The following GLG1 variants were observed in gnomAD, a reference collection of about 807,000 sequenced individuals.
The protein encoded by GLG1 is golgi glycoprotein 1.
GLG1 carries 38 observed loss-of-function variants against 160.5 expected under a neutral mutation model. The observed-to-expected ratio is 0.24, with a 90% CI of 0.18 to 0.31. The LOEUF (loss-of-function observed/expected upper bound fraction) is 0.31, where lower values mean the gene tolerates loss of function less well. GLG1 is among the 10% of genes least tolerant of loss of function. GLG1 has a pLI of 1.00. For missense variants in GLG1, 1,373 were observed against 1,505.2 expected (o/e 0.91, Z 1.45); for synonymous variants, 644 against 543.4 (o/e 1.19, Z -2.57).
At chr16:74,597,571 T>C (rs1958334433) in intron 1 of GLG1, among the ~76,000 whole-genome samples, 1 of 151,656 alleles carries the variant, frequency 6.6e-6, no homozygotes, top group African/African-American at 2.4e-5. Flanking sequence ...AAACAAAAAT[T>C]AGCCGGGCGC....
Position 74,493,094 on chromosome 16 carries a change from T to G in GLG1, c.1097A>C (p.Tyr366Ser). The part of the protein sequence containing the change: ...TTRQKLIAQD[Y>S]KVSYSLAKSC... ...TTTGGCCAATGAATAACTGACTTTA[T>G]AATCCTGGGCAATCAGCTTTTGGCG... is the stretch of plus-strand genomic sequence containing the variant. The change falls in exon 7 of 26, where the codon TAT becomes TCT. Residue 366 changes from tyrosine to serine, a missense_variant. Around this residue, in one of 4 missense-constraint regions of GLG1, gnomAD observed 174 missense variants for 229.9 expected, o/e 0.76. Transcript: ENST00000422840. 6.2e-7 allele frequency: 1 copy of G among 1,613,942 alleles called. No individual in the cohort carries two copies. The highest frequency in any genetic ancestry group is 8.5e-7 in the Non-Finnish European group (1 of 1,179,868).
intron 15 of GLG1, among the ~76,000 whole-genome samples, chr16:74,470,302 T>TTCCA (rs377253990): frequency 9.6e-5 from 14 of 145,936 alleles, no homozygotes; most frequent in South Asian, 2.3e-4. Context: ...CCTTCCTTCC[T>TTCCA]TCCCTCCCTC....
intron 1 of GLG1, among the ~76,000 whole-genome samples, chr16:74,577,254 G>T (rs1440797603): frequency 6.6e-6 from 1 of 151,936 alleles, no homozygotes; most frequent in East Asian, 1.9e-4. Flanking sequence ...GGGTGTGGTG[G>T]CTCCTGCCTG....
chr16:74,503,564 A>G lies in GLG1; in HGVS notation c.741T>C (p.Ile247=). The G allele has an allele frequency of 1.2e-6, 2 of 1,613,346 alleles. No individual in the cohort carries two copies. The highest frequency in any genetic ancestry group is 1.7e-6 in the Non-Finnish European group (2 of 1,179,354). ...FMDDCKNDIN[I]LKCGSIRLGE... ...CAAGCCGAATACTGCCACATTTCAG[A>G]ATGTTGATGTCATTTTTGCAGTCAT... The change falls in exon 4 of 26, where the codon ATT becomes ATC. Residue 247 remains isoleucine, a synonymous_variant. Coordinates refer to ENST00000422840, the MANE Select transcript of GLG1 (RefSeq NM_001145667.2).
rs564721738 is a variant in GLG1 at position 74,521,347 on chromosome 16, G to C, written c.471+10774C>G. Among the ~76,000 whole-genome samples the C allele has an allele frequency of 2.6e-5, 4 of 152,270 alleles. No homozygotes were observed. The South Asian group carries it at 8.3e-4, about 32-fold the overall frequency. ...CTAACATGATAGAGGGATCATTCCA[G>C]CTGTAGGATAGACTAAGCAGGAGGG... On this transcript the variant is annotated intron_variant, in intron 2 of 25. Coordinates refer to ENST00000422840, the MANE Select transcript of GLG1 (RefSeq NM_001145667.2).
intron 20 of GLG1, chr16:74,463,145 G>C: frequency 1.8e-6 from 1 of 559,672 alleles, no homozygotes; most frequent in South Asian, 2.6e-5. Flanking sequence ...TTTTAGGGCA[G>C]TTTTCTGGTT....
intron 4 of GLG1, among the ~76,000 whole-genome samples, chr16:74,501,470 G>A (rs868494688): frequency 6.6e-6 from 1 of 152,204 alleles, no homozygotes; most frequent in Non-Finnish European, 1.5e-5. Context: ...ATCCTGTCGT[G>A]CCTTTTGGCT....
chr16:74,462,733 A>C, intron 20 of GLG1, 103 bp from the exon 21 acceptor site: 1 of 1,019,418 alleles, frequency 9.8e-7, no homozygotes, highest in South Asian at 1.3e-5. Context: ...AATGATCATG[A>C]CTACAACCAT....
intron 1 of GLG1, among the ~76,000 whole-genome samples, chr16:74,550,551 T>C (rs1480217200): frequency 6.6e-6 from 1 of 152,208 alleles, no homozygotes; most frequent in Non-Finnish European, 1.5e-5. Flanking sequence ...TTTTGGGCCA[T>C]GAAACGTGAT....
At chr16:74,595,617 T>C (rs891175346) in intron 1 of GLG1, among the ~76,000 whole-genome samples, 4 of 152,378 alleles carry the variant, frequency 2.6e-5, no homozygotes, top group Admixed American at 2.0e-4. Context: ...ATTTAATTTA[T>C]TCTTCTCTTA....
At chr16:74,482,890 T>G in intron 10 of GLG1, 133 bp downstream of exon 10, 1 of 652,936 alleles carries the variant, frequency 1.5e-6, no homozygotes. Context: ...TTTCAGGGGA[T>G]TGGAGTGTGT....
chr16:74,594,339 T>C (rs953901726), intron 1 of GLG1, among the ~76,000 whole-genome samples: 2 of 152,256 alleles, frequency 1.3e-5, no homozygotes, highest in African/African-American at 4.8e-5. Context: ...ATAGGTGTTA[T>C]TCAAGCCTTT....
In GLG1 at chr16:74,485,897, C is replaced by A. The variant is rs2015770355; in HGVS notation, c.1470G>T (p.Glu490Asp). ...CQQALQTLIQ[E>D]TDPGADYRID... ...TGCGGTAATCTGCACCAGGGTCAGT[C>A]TCCTGAATCAGTGTTTGAAGCTGAA... Residue 490 changes from glutamate to aspartate, a missense_variant, in exon 9 of 26, where the codon GAG becomes GAT. This residue lies in a region of GLG1 where 386 missense variants were observed against 388.5 expected (regional missense o/e 0.99). Transcript: ENST00000422840. The A allele has an allele frequency of 6.2e-7, 1 of 1,611,830 alleles. No individual in the cohort carries two copies. The highest frequency in any genetic ancestry group is 1.1e-5 in the South Asian group (1 of 90,780).
At chr16:74,473,531 C>A (rs2015287395) in intron 13 of GLG1, among the ~76,000 whole-genome samples, 1 of 150,772 alleles carries the variant, frequency 6.6e-6, no homozygotes, top group African/African-American at 2.4e-5. Context: ...GCTCCGCCTC[C>A]CGGGTTCACG....
At chr16:74,474,815 A>G (rs977219203) in intron 12 of GLG1, among the ~76,000 whole-genome samples, 183 bp from the exon 13 acceptor site, 11 of 152,292 alleles carry the variant, frequency 7.2e-5, no homozygotes, top group Non-Finnish European at 1.0e-4. Context: ...TGTTGAAAAG[A>G]TAATTACTTC....
At position 74,452,319 on chromosome 16, in the gene GLG1, G is replaced by C. The variant is rs2014345668; in HGVS notation, c.*848C>G. 2.8e-6 allele frequency: 4 copies of C among 1,403,652 alleles called. No homozygotes were observed. Among genetic ancestry groups the C allele is most frequent in the Non-Finnish European group, 3.7e-6 (4 of 1,079,078 alleles). The allele number at this position is 1,403,652 out of a possible 1,614,324, so 86.9% of individuals were successfully genotyped here. A position where few individuals can be genotyped will look rare whatever the true frequency, so the allele number is the denominator to read the frequency against. On this transcript the variant is annotated 3_prime_UTR_variant, in exon 26 of 26. Coordinates refer to ENST00000422840, the MANE Select transcript of GLG1 (RefSeq NM_001145667.2). Reference sequence around the variant, plus strand: ...CTGAGTCCTGTGCTGCCCTGGAGGAGGAAGGTTCCTGGGATCCTGCTGCCC... The same window carrying C: ...CTGAGTCCTGTGCTGCCCTGGAGGACGAAGGTTCCTGGGATCCTGCTGCCC...
At chr16:74,516,644 A>G (rs1378369170) in intron 2 of GLG1, among the ~76,000 whole-genome samples, 2 of 152,226 alleles carry the variant, frequency 1.3e-5, no homozygotes, top group Non-Finnish European at 2.9e-5. Flanking sequence ...TAATTAAAAG[A>G]ACTAGAGAAG....
chr16:74,580,108 G>A (rs1021344452), intron 1 of GLG1, among the ~76,000 whole-genome samples: 1 of 152,048 alleles, frequency 6.6e-6, no homozygotes, highest in Non-Finnish European at 1.5e-5. Context: ...CAGAAGAGCT[G>A]AATCTCATGT....
intron 2 of GLG1, among the ~76,000 whole-genome samples, chr16:74,513,742 A>T (rs949448490): frequency 1.3e-5 from 2 of 152,146 alleles, no homozygotes. Context: ...TCTCCAAAGG[A>T]ACACAACTCC....
Sources: allele counts gnomAD v4.1 joint callset (sites outside exome capture counted in the v4.1 genomes callset), GRCh38; gene constraint gnomAD v4.1.1; regional missense constraint gnomAD v4.1.1; transcripts MANE v1.5; gene names NCBI Gene and HGNC (gene_info 2026-07-23, HGNC 2026-07-21).